The following APAF1 variants were observed in gnomAD, a reference collection of about 807,000 sequenced individuals.
APAF1 encodes apoptotic peptidase activating factor 1, also known as apoptotic protease-activating factor 1.
APAF1 carries 91 observed loss-of-function variants against 152.4 expected under a neutral mutation model. The observed-to-expected ratio is 0.60, with a 90% CI of 0.50 to 0.71. APAF1 has a LOEUF of 0.71. Ranked by LOEUF, APAF1 falls within the 30% of genes least tolerant of loss-of-function variation. The pLI is 0.00. For missense variants in APAF1, 1,283 were observed against 1,472.0 expected, an observed-to-expected ratio of 0.87 and a Z score of 2.10; for synonymous variants, 484 against 494.1, an observed-to-expected ratio of 0.98 and a Z score of 0.27.
At chr12:98,689,372 G>A (rs1316468286) in intron 16 of APAF1, among the ~76,000 whole-genome samples, 4 of 151,652 alleles carry the variant, frequency 2.6e-5, no homozygotes, top group Non-Finnish European at 5.9e-5. Flanking sequence ...TTTTGCCTTC[G>A]ATTTCACTTG....
chr12:98,677,032 A>G (rs1315617637), intron 12 of APAF1, among the ~76,000 whole-genome samples: 1 of 152,220 alleles, frequency 6.6e-6, no homozygotes, highest in African/African-American at 2.4e-5. Flanking sequence ...TTTTATTTTA[A>G]AAAAGAGATG....
chr12:98,645,778 C>G lies in APAF1; in HGVS notation c.-99C>G, dbSNP rs2097639194. On this transcript the variant is annotated 5_prime_UTR_variant, in exon 1 of 27. Coordinates refer to ENST00000551964, the MANE Select transcript of APAF1 (RefSeq NM_181861.2). The stretch of plus-strand genomic sequence containing the variant: ...GTTTCCCTCCACCGGCCTGGAGTCT[C>G]CCAGTCTTGTCCCGGCAGTGCCGCC... 6.6e-6 allele frequency: 1 copy of G among 152,392 alleles called. No homozygotes were observed. The highest frequency in any genetic ancestry group is 6.5e-5 in the Admixed American group (1 of 15,274). 9.4% of individuals were successfully genotyped at this position (152,392 alleles called of 1,614,324 possible). A position where few individuals can be genotyped will look rare whatever the true frequency, so the allele number is the denominator to read the frequency against.
chr12:98,663,908 T>A (rs1473789919), intron 7 of APAF1, among the ~76,000 whole-genome samples: 1 of 152,194 alleles, frequency 6.6e-6, no homozygotes, highest in Non-Finnish European at 1.5e-5. Context: ...ATTGCCCGCC[T>A]CAGCCTCCCA....
In APAF1 at chr12:98,694,785, A is replaced by G. The variant is rs527659985; in HGVS notation, c.2305-4623A>G. ...CTATCTGATCCTTTGCTATCTGCTC[A>G]TATTTAAGAATACATCACCAACAAG... On this transcript the variant is annotated intron_variant, in intron 16 of 26. Transcript: ENST00000551964. Among the ~76,000 whole-genome samples the G allele has an allele frequency of 4.6e-3, 699 of 152,178 alleles. 1 individual carries two copies. Among genetic ancestry groups the G allele is most frequent in the Non-Finnish European group, 7.7e-3 (526 of 68,006 alleles).
intron 7 of APAF1, among the ~76,000 whole-genome samples, chr12:98,665,278 A>ATATATTTTTT (rs1491316422): frequency 1.5e-4 from 10 of 66,012 alleles, no homozygotes; most frequent in African/African-American, 5.7e-4. Context: ...ATATATATAT[A>ATATATTTTTT]TTTTTTTTTT....
intron 4 of APAF1, among the ~76,000 whole-genome samples, chr12:98,655,214 C>T (rs2097655227): frequency 7.1e-6 from 1 of 141,784 alleles, no homozygotes; most frequent in South Asian, 2.4e-4. Flanking sequence ...AATGAAAAGT[C>T]TCCCATGTCT....
At chr12:98,649,348 A>G in intron 3 of APAF1, 139 bp from the exon 4 acceptor site, 2 of 1,305,802 alleles carry the variant, frequency 1.5e-6, no homozygotes, top group South Asian at 2.9e-5. Context: ...ATTGAAGTTA[A>G]TATGCTAGCC....
chr12:98,652,291 G>T (rs922125755), intron 4 of APAF1, among the ~76,000 whole-genome samples: 9 of 152,132 alleles, frequency 5.9e-5, no homozygotes, highest in Admixed American at 5.2e-4. Context: ...TACCAAATTT[G>T]ATTCCCCTCC....
intron 26 of APAF1, among the ~76,000 whole-genome samples, chr12:98,730,494 G>C (rs2097759154): frequency 6.6e-6 from 1 of 152,202 alleles, no homozygotes; most frequent in Non-Finnish European, 1.5e-5. Context: ...TATTTGCAGA[G>C]TTCTTGGGGA....
intron 1 of APAF1, among the ~76,000 whole-genome samples, chr12:98,647,875 C>CT (rs1396666085): frequency 1.3e-5 from 2 of 152,072 alleles, no homozygotes; most frequent in Non-Finnish European, 2.9e-5. Flanking sequence ...GCGTTCATCA[C>CT]TGAAACATCC....
intron 10 of APAF1, among the ~76,000 whole-genome samples, chr12:98,669,410 CAG>C (rs2097677324): frequency 6.6e-6 from 1 of 152,096 alleles, no homozygotes; most frequent in Admixed American, 6.6e-5. Context: ...AAAAGGAAAA[CAG>C]AGATCACAAC....
intron 5 of APAF1, among the ~76,000 whole-genome samples, chr12:98,661,995 A>G (rs2097666013): frequency 6.6e-6 from 1 of 152,234 alleles, no homozygotes; most frequent in South Asian, 2.1e-4. Flanking sequence ...TTAGATTACA[A>G]CATATGAAAT....
At chr12:98,715,342 C>T in intron 21 of APAF1, 85 bp from the exon 22 acceptor site, 5 of 1,328,046 alleles carry the variant, frequency 3.8e-6, no homozygotes, top group Non-Finnish European at 5.2e-6. Context: ...ACCCTCCAGT[C>T]TAATTTTAGT....
At chr12:98,696,352 C>A (rs12368223) in intron 16 of APAF1, among the ~76,000 whole-genome samples, 17,888 of 152,142 alleles carry the variant, frequency 0.12, 1,420 homozygotes, top group Non-Finnish European at 0.18. Flanking sequence ...CTGTTTTCAA[C>A]AACCCGCACT....
intron 22 of APAF1, among the ~76,000 whole-genome samples, chr12:98,716,669 T>C (rs10860359): frequency 0.39 from 59,457 of 152,002 alleles, 12,435 homozygotes; most frequent in African/African-American, 0.56. Flanking sequence ...TTGTTTTGGA[T>C]ATTCAGTCTT....
At chr12:98,692,814 G>T (rs2097705752) in intron 16 of APAF1, among the ~76,000 whole-genome samples, 1 of 152,146 alleles carries the variant, frequency 6.6e-6, no homozygotes, top group South Asian at 2.1e-4. Flanking sequence ...AGGTTGGTTT[G>T]TGTCTTTGCT....
At chr12:98,658,673 AC>A (rs974880106) in intron 4 of APAF1, among the ~76,000 whole-genome samples, 7 of 151,810 alleles carry the variant, frequency 4.6e-5, no homozygotes, top group Admixed American at 1.3e-4. Context: ...GTGATTTCAC[AC>A]CCCCCCAGGT....
rs1314810193 is a variant in APAF1, at chr12:98,735,345, T to C, written c.*2779T>C. 1.9e-5 allele frequency: 8 copies of C among 422,146 alleles called. No homozygotes were observed. The highest frequency in any genetic ancestry group is 3.4e-5 in the Non-Finnish European group (8 of 238,076). 26.2% of individuals were successfully genotyped at this position (422,146 alleles called of 1,614,324 possible). A position where few individuals can be genotyped will look rare whatever the true frequency, so the allele number is the denominator to read the frequency against. On this transcript the variant is annotated 3_prime_UTR_variant, in exon 27 of 27. Coordinates refer to ENST00000551964, the MANE Select transcript of APAF1 (RefSeq NM_181861.2). ...ACTCTTGTATTTATGATATAGCTTA[T>C]ATGATTTTTTTGCCTTGGTATACAT...
intron 17 of APAF1, 152 bp from the exon 18 acceptor site, chr12:98,703,219 A>G: frequency 1.3e-6 from 1 of 770,358 alleles, no homozygotes; most frequent in Non-Finnish European, 2.2e-6. Context: ...ATGTATATTG[A>G]TCCATATTTT....
Sources: gnomAD v4.1 joint callset for allele counts (sites outside exome capture counted in the v4.1 genomes callset) on GRCh38, gnomAD v4.1.1 for gene constraint, MANE v1.5 for transcripts, NCBI Gene and HGNC (gene_info 2026-07-23, HGNC 2026-07-21) for gene names.